RTKN2: variants seen among roughly 807,000 people sequenced by gnomAD.
RTKN2 encodes rhotekin 2.
RTKN2 carries 69 observed loss-of-function variants against 71.5 expected under a neutral mutation model. The observed-to-expected ratio is 0.96, with a 90% CI of 0.79 to 1.18. The LOEUF (loss-of-function observed/expected upper bound fraction) is 1.18, where lower values mean the gene tolerates loss of function less well. Ranked by LOEUF, RTKN2 falls within the 50% of genes most tolerant of loss-of-function variation. The pLI, the probability that RTKN2 is intolerant of heterozygous loss-of-function variation, is 0.00. For synonymous variants in RTKN2, 236 were observed against 236.5 expected (o/e 1.00, Z 0.02); for missense variants, 724 against 719.7 (o/e 1.01, Z -0.07).
chr10:62,239,065 G>C (rs1441787231), intron 5 of RTKN2: 1 of 151,888 alleles, frequency 6.6e-6, no homozygotes, highest in Non-Finnish European at 1.5e-5. Context: ...ACAATAAAAT[G>C]AGCCTGTAAA....
chr10:62,247,055 T>C (rs1842492151), intron 2 of RTKN2, among the ~76,000 whole-genome samples: 1 of 151,834 alleles, frequency 6.6e-6, no homozygotes, highest in Non-Finnish European at 1.5e-5. Flanking sequence ...GCTAATTTAA[T>C]TTGTTACTTC....
chr10:62,260,101 T>C (rs1842746436), intron 2 of RTKN2, among the ~76,000 whole-genome samples: 2 of 152,240 alleles, frequency 1.3e-5, no homozygotes, highest in Non-Finnish European at 2.9e-5. Flanking sequence ...TTGTTTTAAC[T>C]CTGGCAGCAA....
chr10:62,236,548 C>T (rs1443141020), intron 5 of RTKN2, among the ~76,000 whole-genome samples: 1 of 151,988 alleles, frequency 6.6e-6, no homozygotes, highest in Non-Finnish European at 1.5e-5. Flanking sequence ...AAAAGGGAAA[C>T]TACTACATGA....
Position 62,194,341 on chromosome 10 carries a change from T to C in RTKN2, c.*3567A>G, listed in dbSNP as rs1021060508. Reference sequence around the variant, plus strand: ...GCAGTTGCACACAAACATGTAAACATATGTAAACATTTAAAAATAGTGATG... The same window carrying C: ...GCAGTTGCACACAAACATGTAAACACATGTAAACATTTAAAAATAGTGATG... On this transcript the variant is annotated 3_prime_UTR_variant, in exon 12 of 12. Transcript: ENST00000373789. The C allele has an allele frequency of 1.1e-5, 11 of 984,520 alleles. No homozygotes were observed. The African/African-American group carries it at 1.9e-4, about 17-fold the overall frequency. 61.0% of individuals were successfully genotyped at this position (984,520 alleles called of 1,614,324 possible).
intron 6 of RTKN2, among the ~76,000 whole-genome samples, chr10:62,226,176 G>C (rs1280444417): frequency 6.6e-6 from 1 of 151,874 alleles, no homozygotes; most frequent in Admixed American, 6.6e-5. Context: ...AAACATCAAC[G>C]AGTATATTAA....
intron 4 of RTKN2, among the ~76,000 whole-genome samples, chr10:62,240,087 T>C (rs139960373): frequency 1.7e-3 from 258 of 152,192 alleles, no homozygotes; most frequent in African/African-American, 5.7e-3. Flanking sequence ...TATACACACA[T>C]GCGCGGGCAT....
chr10:62,226,259 ATGTTTC>A (rs1480983010), intron 6 of RTKN2, among the ~76,000 whole-genome samples: 2 of 152,192 alleles, frequency 1.3e-5, no homozygotes, highest in Admixed American at 1.3e-4. Context: ...GCTAGGTGTT[ATGTTTC>A]ATAAACCTCC....
intron 8 of RTKN2, 69 bp from the exon 9 acceptor site, chr10:62,217,318 A>G: frequency 9.4e-7 from 1 of 1,059,954 alleles, no homozygotes; most frequent in Non-Finnish European, 1.3e-6. Context: ...ATACATCAAA[A>G]TACTTATCAA....
intron 2 of RTKN2, among the ~76,000 whole-genome samples, chr10:62,256,578 C>A (rs1842679637): frequency 6.6e-6 from 1 of 151,842 alleles, no homozygotes; most frequent in Non-Finnish European, 1.5e-5. Flanking sequence ...AAGATCCATG[C>A]CAAATTATTG....
Position 62,248,316 on chromosome 10 carries a change from A to T in RTKN2, c.258-2259T>A, listed in dbSNP as rs1842515052. Among the ~76,000 whole-genome samples the T allele has an allele frequency of 4.6e-5, 7 of 152,254 alleles. No homozygotes were observed. The South Asian group carries it at 1.5e-3, about 32-fold the overall frequency. Reference sequence around the variant, plus strand: ...TGAAGCTTGAATTACTTTCAATTCAAATAACAAAACTGCTATTTAGGGTAC... The same window carrying T: ...TGAAGCTTGAATTACTTTCAATTCATATAACAAAACTGCTATTTAGGGTAC... On this transcript the variant is annotated intron_variant, in intron 2 of 11. Transcript: ENST00000373789.
rs1167190876 is a variant in RTKN2 at position 62,236,055 on chromosome 10, TA to T, written c.686+10del. ...AATTATGTCACCATAAATACAGTAT[TA>T]AAAACTTACAAAACAGCAGAGCTGA... is the stretch of plus-strand genomic sequence containing the variant. On this transcript the variant is annotated intron_variant, in intron 6 of 11. Transcript: ENST00000373789. 1.3e-6 allele frequency: 2 copies of T among 1,575,298 alleles called. No homozygotes were observed. Among genetic ancestry groups the T allele is most frequent in the African/African-American group, 1.4e-5 (1 of 73,946 alleles).
rs2132775271 is a variant in RTKN2, at chr10:62,194,683, G to A, written c.*3225C>T. The stretch of plus-strand genomic sequence containing the variant: ...CCAAACTGCCCTATAATTTCATTTT[G>A]GACTGAATTAATTAACTTCTCAGTA... On this transcript the variant is annotated 3_prime_UTR_variant, in exon 12 of 12. Transcript: ENST00000373789. The A allele has an allele frequency of 1.0e-6, 1 of 985,244 alleles. No individual in the cohort carries two copies. Among genetic ancestry groups the A allele is most frequent in the South Asian group, 4.7e-5 (1 of 21,284 alleles). 61.0% of individuals were successfully genotyped at this position (985,244 alleles called of 1,614,324 possible). A position where few individuals can be genotyped will look rare whatever the true frequency, so the allele number is the denominator to read the frequency against.
At chr10:62,244,286 G>A (rs953625806) in intron 3 of RTKN2, among the ~76,000 whole-genome samples, 1 of 152,090 alleles carries the variant, frequency 6.6e-6, no homozygotes, top group African/African-American at 2.4e-5. Context: ...GTAAGTATCC[G>A]ATTTTCTCAG....
chr10:62,244,166 T>C (rs1842434333), intron 3 of RTKN2, among the ~76,000 whole-genome samples: 1 of 152,190 alleles, frequency 6.6e-6, no homozygotes, highest in South Asian at 2.1e-4. Context: ...CACATTTTCA[T>C]CCCAATATCA....
At chr10:62,258,790 T>TA (rs1307334925) in intron 2 of RTKN2, among the ~76,000 whole-genome samples, 4 of 152,176 alleles carry the variant, frequency 2.6e-5, no homozygotes, top group South Asian at 2.1e-4. Context: ...AATATATATA[T>TA]AAAGCCCTGT....
Position 62,187,921 on chromosome 10 carries a change from C to T in RTKN2, c.862-3534G>A, listed in dbSNP as rs537978367. Among the ~76,000 whole-genome samples the T allele has an allele frequency of 3.9e-5, 6 of 152,294 alleles. No homozygotes were observed. The South Asian group carries it at 1.2e-3, about 32-fold the overall frequency. ...TTTCTTCAGCATACCAGAAAAAAAG[C>T]AAACTTTAGACTGACATTCAAGGCC... On this transcript the variant is annotated intron_variant, in intron 8 of 8. Coordinates refer to the RTKN2 transcript ENST00000315289.
chr10:62,204,974 T>A lies in RTKN2; in HGVS notation c.1069A>T (p.Asn357Tyr). The A allele has an allele frequency of 6.3e-7, 1 of 1,599,722 alleles. No homozygotes were observed. The highest frequency in any genetic ancestry group is 8.5e-7 in the Non-Finnish European group (1 of 1,175,556). The change falls in exon 10 of 12, where the codon AAT (asparagine) becomes TAT (tyrosine). Residue 357 changes from asparagine (N) to tyrosine (Y), a missense_variant. Transcript: ENST00000373789. ...MDKDAKKRIH[N>Y]FSVINPVPGQ... ...GGAACAGGATTGATGACAGAGAAAT[T>A]ATGGATTCTTTTCTTGGCATCCTTA...
At chr10:62,191,993 T>C (rs1344682313), downstream of RTKN2, among the ~76,000 whole-genome samples, 1 of 152,106 alleles carries the variant, frequency 6.6e-6, no homozygotes, top group African/African-American at 2.4e-5. Flanking sequence ...TATTAGGTCC[T>C]AGACTATGTG....
chr10:62,237,733 A>T (rs895602453), intron 5 of RTKN2, among the ~76,000 whole-genome samples: 1 of 151,586 alleles, frequency 6.6e-6, no homozygotes, highest in African/African-American at 2.4e-5. Context: ...AACTATAAAT[A>T]ACATTTTACT....
Sources: gnomAD v4.1 joint callset for allele counts (sites outside exome capture counted in the v4.1 genomes callset) on GRCh38, gnomAD v4.1.1 for gene constraint, MANE v1.5 for transcripts, NCBI Gene and HGNC (gene_info 2026-07-23, HGNC 2026-07-21) for gene names.